Variants in PCDHA11 observed in about 807,000 individuals in gnomAD.
PCDHA11 encodes protocadherin alpha 11, also known as protocadherin alpha-11.
In PCDHA11, 61 loss-of-function variants were observed where a neutral mutation model predicts 70.3. The observed-to-expected ratio is 0.87, with a 90% CI of 0.71 to 1.07. The LOEUF is 1.07. Among genes scored for constraint, PCDHA11 ranks in the 50% least tolerant of loss-of-function variants. The probability of loss-of-function intolerance (pLI) is 0.00; values close to 1 mark genes in which losing one functional copy is unlikely to be tolerated. For missense variants in PCDHA11, 1,324 were observed against 1,237.5 expected, an observed-to-expected ratio of 1.07 and a Z score of -1.05; for synonymous variants, 633 against 555.1, an observed-to-expected ratio of 1.14 and a Z score of -1.97.
chr5:141,004,142 G>A (rs1323224367), intron 3 of PCDHA11, among the ~76,000 whole-genome samples: 2 of 152,214 alleles, frequency 1.3e-5, no homozygotes, highest in African/African-American at 4.8e-5. Flanking sequence ...TGCCCCAAAG[G>A]CATGACATTT....
intron 1 of PCDHA11, chr5:140,875,283 C>G (rs1554167582): frequency 7.3e-7 from 1 of 1,362,346 alleles, no homozygotes; most frequent in Non-Finnish European, 9.6e-7. Context: ...GAAGGTGAAA[C>G]AGGAAAATTT....
intron 1 of PCDHA11, among the ~76,000 whole-genome samples, chr5:140,909,299 T>G (rs561949225): frequency 6.6e-6 from 1 of 152,320 alleles, no homozygotes; most frequent in Non-Finnish European, 1.5e-5. Flanking sequence ...TGGACAGGAA[T>G]GGAGAAAAAG....
chr5:140,877,162 G>T (rs782642663), intron 1 of PCDHA11: 3 of 1,613,832 alleles, frequency 1.9e-6, no homozygotes, highest in Non-Finnish European at 1.7e-6. Context: ...CAACGCGCCG[G>T]CACTGCTGGC....
intron 3 of PCDHA11, among the ~76,000 whole-genome samples, chr5:140,997,125 A>C (rs2097760835): frequency 6.6e-6 from 1 of 152,072 alleles, no homozygotes; most frequent in Admixed American, 6.6e-5. Context: ...CCACATACAC[A>C]ATGCCCCCAC....
chr5:140,991,121 C>G (rs1220661100), intron 3 of PCDHA11, among the ~76,000 whole-genome samples: 1 of 152,184 alleles, frequency 6.6e-6, no homozygotes, highest in Non-Finnish European at 1.5e-5. Context: ...TTCTTACATT[C>G]ACACAGCTAG....
intron 1 of PCDHA11, among the ~76,000 whole-genome samples, chr5:140,951,684 A>G (rs1392497741): frequency 3.3e-5 from 5 of 152,144 alleles, no homozygotes; most frequent in African/African-American, 1.2e-4. Flanking sequence ...GGGGATTACA[A>G]TGTGACATGA....
intron 1 of PCDHA11, among the ~76,000 whole-genome samples, chr5:140,965,905 G>A (rs76116187): frequency 0.016 from 2,504 of 152,338 alleles, 69 homozygotes; most frequent in African/African-American, 0.056. Context: ...TGGATCCCAG[G>A]ATGCTGGTTT....
chr5:140,890,585 A>G (rs1158719431), intron 1 of PCDHA11, among the ~76,000 whole-genome samples: 1 of 152,086 alleles, frequency 6.6e-6, no homozygotes, highest in Admixed American at 6.5e-5. Context: ...TATTATTTGG[A>G]AGCCCTTTTC....
chr5:140,876,077 G>C, intron 1 of PCDHA11: 4 of 1,613,956 alleles, frequency 2.5e-6, no homozygotes, highest in Non-Finnish European at 3.4e-6. Flanking sequence ...TTATTGGACA[G>C]AGAGCAAACG....
intron 1 of PCDHA11, chr5:140,875,484 C>A: frequency 6.2e-7 from 1 of 1,611,246 alleles, no homozygotes. Context: ...TGGTGATTAT[C>A]GGACCAAGAG....
At chr5:140,881,336 G>A in intron 1 of PCDHA11, 1 of 985,066 alleles carries the variant, frequency 1.0e-6, no homozygotes, top group Non-Finnish European at 1.2e-6. Context: ...CCAGGACGCC[G>A]ATTCGGGCTA....
At chr5:141,002,133 C>T (rs1172462824) in intron 3 of PCDHA11, among the ~76,000 whole-genome samples, 2 of 152,248 alleles carry the variant, frequency 1.3e-5, no homozygotes, top group African/African-American at 4.8e-5. Context: ...ATAGCCTTTG[C>T]CGGCTGCACT....
intron 1 of PCDHA11, chr5:140,877,684 A>G (rs1247391418): frequency 1.9e-6 from 3 of 1,613,650 alleles, no homozygotes; most frequent in Non-Finnish European, 2.5e-6. Flanking sequence ...GGGCAAGCCC[A>G]CGCTGGTGTG....
intron 3 of PCDHA11, among the ~76,000 whole-genome samples, chr5:140,998,018 G>A (rs575495303): frequency 2.0e-5 from 3 of 152,170 alleles, no homozygotes; most frequent in Admixed American, 6.5e-5. Flanking sequence ...TCCCCACCTC[G>A]AGCTAGTGCT....
Position 140,931,003 on chromosome 5 carries a change from A to G in PCDHA11, c.2392-47946A>G, listed in dbSNP as rs2087240942. On this transcript the variant is annotated intron_variant, in intron 1 of 3. Coordinates refer to ENST00000398640, the MANE Select transcript of PCDHA11 (RefSeq NM_018902.5). The stretch of plus-strand genomic sequence containing the variant: ...CTTCCTCATGACCTACACTAATAAC[A>G]TAACAGAGGAATTTTCTGATTGTAG... Among the ~76,000 whole-genome samples the G allele has an allele frequency of 2.0e-5, 3 of 152,232 alleles. No homozygotes were observed. The South Asian group carries it at 6.2e-4, about 32-fold the overall frequency.
chr5:141,009,908 A>T lies in PCDHA11; in HGVS notation c.2821A>T (p.Asn941Tyr). ...NKTQEKKEKGNSTTDNSDQ is the reference protein window; with the variant it reads ...NKTQEKKEKGYSTTDNSDQ ...GACCCAGGAGAAAAAAGAGAAAGGG[A>T]ACAGCACGACTGACAACAGTGACCA... Residue 941 changes from asparagine to tyrosine, a missense_variant, in exon 4 of 4, where the codon AAC (asparagine) becomes TAC (tyrosine). Physicochemically the swap from Asn to Tyr is moderately radical, Grantham distance 143 (BLOSUM62 -2). Transcript: ENST00000398640. 1 of 1,612,966 alleles carries T rather than the reference A, an allele frequency of 6.2e-7. No individual in the cohort carries two copies. The highest frequency in any genetic ancestry group is 1.1e-5 in the South Asian group (1 of 90,886).
intron 1 of PCDHA11, chr5:140,967,384 G>A (rs1422023127): frequency 2.5e-6 from 4 of 1,609,080 alleles, no homozygotes; most frequent in Non-Finnish European, 3.4e-6. Flanking sequence ...ACAGTAAAGT[G>A]CTTGAGCTGG....
At chr5:140,874,554 TTC>T (rs2054993631) in intron 1 of PCDHA11, among the ~76,000 whole-genome samples, 1 of 152,236 alleles carries the variant, frequency 6.6e-6, no homozygotes, top group African/African-American at 2.4e-5. Flanking sequence ...TAAGAGATCT[TTC>T]GCATTTTAGT....
At chr5:140,921,998 A>G (rs1247902071) in intron 1 of PCDHA11, among the ~76,000 whole-genome samples, 3 of 152,206 alleles carry the variant, frequency 2.0e-5, no homozygotes, top group African/African-American at 7.2e-5. Flanking sequence ...AGTTCAATGA[A>G]ATGATTAGTT....
Sources: gnomAD v4.1 joint callset for allele counts (sites outside exome capture counted in the v4.1 genomes callset) on GRCh38, gnomAD v4.1.1 for gene constraint, MANE v1.5 for transcripts, NCBI Gene and HGNC (gene_info 2026-07-23, HGNC 2026-07-21) for gene names.